Variants in LPAR1 observed in about 807,000 individuals in gnomAD.
LPAR1 encodes the protein LPA receptor 1.
A neutral mutation model predicts 23.8 loss-of-function variants in LPAR1; 5 were observed. The ratio of observed to expected loss-of-function variants is 0.21; its 90% CI spans 0.11 to 0.44. The LOEUF (loss-of-function observed/expected upper bound fraction) is 0.44. Among genes scored for constraint, LPAR1 ranks in the 20% least tolerant of loss-of-function variants. The pLI, the probability that LPAR1 is intolerant of heterozygous loss-of-function variation, is 0.99. For synonymous variants in LPAR1, 160 were observed against 164.7 expected (o/e 0.97, Z 0.22); for missense variants, 311 against 482.8 (o/e 0.64, Z 3.33).
At chr9:110,959,716 T>C (rs1328165209) in intron 4 of LPAR1, among the ~76,000 whole-genome samples, 1 of 152,196 alleles carries the variant, frequency 6.6e-6, no homozygotes, top group Non-Finnish European at 1.5e-5. Flanking sequence ...ACAGCACTAT[T>C]TAAAATAGCA....
chr9:110,912,282 A>G (rs1190524015), intron 5 of LPAR1, among the ~76,000 whole-genome samples: 2 of 152,256 alleles, frequency 1.3e-5, no homozygotes, highest in Non-Finnish European at 2.9e-5. Flanking sequence ...TTCACATTAC[A>G]GAATTGTGCA....
At chr9:110,879,760 G>A (rs2080211842) in intron 5 of LPAR1, among the ~76,000 whole-genome samples, 1 of 152,216 alleles carries the variant, frequency 6.6e-6, no homozygotes, top group Non-Finnish European at 1.5e-5. Context: ...CCAGAAGAGA[G>A]ATAATGAAAG....
At chr9:111,029,743 A>AT (rs529411255) in intron 2 of LPAR1, among the ~76,000 whole-genome samples, 3 of 151,042 alleles carry the variant, frequency 2.0e-5, no homozygotes, top group Non-Finnish European at 3.0e-5. Flanking sequence ...TACTTTCTTA[A>AT]TTTTTTTTTA....
intron 4 of LPAR1, among the ~76,000 whole-genome samples, chr9:110,960,195 A>C (rs1247786342): frequency 6.6e-6 from 1 of 152,194 alleles, no homozygotes; most frequent in Non-Finnish European, 1.5e-5. Context: ...GAACACATGG[A>C]TGTGTTCCCA....
intron 4 of LPAR1, among the ~76,000 whole-genome samples, chr9:110,961,775 C>T (rs548021387): frequency 4.6e-5 from 7 of 152,098 alleles, no homozygotes; most frequent in Non-Finnish European, 2.9e-5. Flanking sequence ...TACAGGGGAA[C>T]TGCCCTTTAT....
At chr9:111,012,478 C>T (rs924158198) in intron 2 of LPAR1, among the ~76,000 whole-genome samples, 1 of 151,246 alleles carries the variant, frequency 6.6e-6, no homozygotes, top group Non-Finnish European at 1.5e-5. Flanking sequence ...CGCACACACA[C>T]ACACACACAC....
chr9:110,923,679 A>G (rs966018914), intron 5 of LPAR1, among the ~76,000 whole-genome samples: 6 of 152,202 alleles, frequency 3.9e-5, no homozygotes, highest in African/African-American at 1.4e-4. Context: ...TAACCTTTTG[A>G]GGTTTTACTG....
chr9:111,024,399 A>C (rs143522008), intron 2 of LPAR1, among the ~76,000 whole-genome samples: 181 of 147,818 alleles, frequency 1.2e-3, no homozygotes, highest in African/African-American at 4.2e-3. Context: ...ATATATACAC[A>C]CACACATATT....
Position 110,875,364 on chromosome 9 carries a change from G to C in LPAR1, c.*57C>G. On this transcript the variant is annotated 3_prime_UTR_variant, in exon 6 of 6. Transcript: ENST00000683809. The stretch of plus-strand genomic sequence containing the variant: ...CCACCTTGCCCTGGCAATTGGGTAG[G>C]GGGAGGCTGTTTATCCTCCAAGAGA... 4 of 1,467,204 alleles carry C rather than the reference G, an allele frequency of 2.7e-6. No homozygotes were observed. The highest frequency in any genetic ancestry group is 1.4e-5 in the African/African-American group (1 of 71,702). The allele number at this position is 1,467,204 out of a possible 1,614,324, so 90.9% of individuals were successfully genotyped here.
chr9:110,982,018 G>A (rs377671462), intron 2 of LPAR1, among the ~76,000 whole-genome samples: 1 of 152,036 alleles, frequency 6.6e-6, no homozygotes, highest in East Asian at 1.9e-4. Flanking sequence ...TGCTTTTACA[G>A]TGTTGGTAGG....
chr9:111,019,612 C>T (rs1278076925), intron 2 of LPAR1, among the ~76,000 whole-genome samples: 2 of 151,766 alleles, frequency 1.3e-5, no homozygotes, highest in Admixed American at 6.6e-5. Context: ...CCGAGGCGGG[C>T]AGATCACAAG....
intron 5 of LPAR1, among the ~76,000 whole-genome samples, chr9:110,923,700 G>C (rs2093801240): frequency 6.6e-6 from 1 of 152,174 alleles, no homozygotes; most frequent in Non-Finnish European, 1.5e-5. Flanking sequence ...TTTCTGCTGT[G>C]TCTCTCATTT....
At chr9:110,966,757 G>C (rs1253896862) in intron 4 of LPAR1, among the ~76,000 whole-genome samples, 1 of 152,148 alleles carries the variant, frequency 6.6e-6, no homozygotes. Context: ...ACAGGTGTGA[G>C]ACCTGAATAT....
At chr9:111,004,216 T>G (rs945080500) in intron 2 of LPAR1, among the ~76,000 whole-genome samples, 3 of 152,170 alleles carry the variant, frequency 2.0e-5, no homozygotes, top group South Asian at 2.1e-4. Context: ...TAGTCTTCAA[T>G]TGGCCACATC....
intron 5 of LPAR1, among the ~76,000 whole-genome samples, chr9:110,886,432 A>C (rs993803363): frequency 4.6e-5 from 7 of 151,630 alleles, no homozygotes; most frequent in African/African-American, 1.5e-4. Flanking sequence ...AAAAAAAAAA[A>C]AAAACAATGC....
chr9:110,975,848 C>T (rs969564145), intron 2 of LPAR1, among the ~76,000 whole-genome samples: 4 of 152,122 alleles, frequency 2.6e-5, no homozygotes, highest in Non-Finnish European at 5.9e-5. Context: ...CTAAAACATG[C>T]GACACGTCTA....
intron 2 of LPAR1, among the ~76,000 whole-genome samples, chr9:110,997,638 G>A (rs192326066): frequency 2.0e-5 from 3 of 152,130 alleles, no homozygotes; most frequent in African/African-American, 7.2e-5. Context: ...GTAGAAACTA[G>A]ACATCTGTAT....
Position 110,875,476 on chromosome 9 carries a change from G to A in LPAR1, c.1040C>T (p.Ser347Phe), listed in dbSNP as rs761832922. ...PTEGSDRSAS[S>F]LNHTILAGVH... Reference sequence around the variant, plus strand: ...TCCAGCCAAGATGGTGTGGTTGAGGGAGGAAGCCGAGCGGTCTGAGCCTTC... The same window carrying A: ...TCCAGCCAAGATGGTGTGGTTGAGGAAGGAAGCCGAGCGGTCTGAGCCTTC... Residue 347 changes from serine (S) to phenylalanine (F), a missense_variant, in exon 6 of 6, where the codon TCC (serine) becomes TTC (phenylalanine). Ser to Phe is a radical substitution (Grantham distance 155). Around this residue, in one of 2 missense-constraint regions of LPAR1, gnomAD observed 250 missense variants for 427.2 expected, o/e 0.59. Coordinates refer to ENST00000683809, the MANE Select transcript of LPAR1 (RefSeq NM_001351411.2). 4 of 1,614,088 alleles carry A rather than the reference G, an allele frequency of 2.5e-6. No individual in the cohort carries two copies. The Admixed American group carries it at 5.0e-5, about 20-fold the overall frequency.
intron 2 of LPAR1, among the ~76,000 whole-genome samples, chr9:110,978,621 CAAGAT>C (rs1034286983): frequency 6.6e-6 from 1 of 152,088 alleles, no homozygotes; most frequent in African/African-American, 2.4e-5. Context: ...CCTGGAGGAA[CAAGAT>C]GAGATACAGG....
Sources: allele counts gnomAD v4.1 joint callset (sites outside exome capture counted in the v4.1 genomes callset), GRCh38; gene constraint gnomAD v4.1.1; regional missense constraint gnomAD v4.1.1; transcripts MANE v1.5; gene names NCBI Gene and HGNC (gene_info 2026-07-23, HGNC 2026-07-21).